Variants in PNPO observed in about 807,000 individuals in gnomAD.
PNPO encodes the protein pyridoxine-5'-phosphate oxidase.
A neutral mutation model predicts 35.0 loss-of-function variants in PNPO; 39 were observed. That is an observed-to-expected ratio of 1.11 (90% confidence interval 0.86 to 1.45). The LOEUF is 1.45. Among genes scored for constraint, PNPO ranks in the 40% most tolerant of loss-of-function variants. PNPO has a pLI of 0.00. For synonymous variants in PNPO, 115 were observed against 119.8 expected, an observed-to-expected ratio of 0.96 and a Z score of 0.26; for missense variants, 288 against 340.0, an observed-to-expected ratio of 0.85 and a Z score of 1.20.
rs1445550737 is a variant in PNPO at position 47,946,362 on chromosome 17, C to G, written c.586C>G (p.Gln196Glu). The G allele has an allele frequency of 1.2e-6, 2 of 1,613,678 alleles. No individual in the cohort carries two copies. The highest frequency in any genetic ancestry group is 3.3e-5 in the Admixed American group (2 of 60,022). ...KKNEELEQLY[Q>E]DQEVPKPKSW... ...AAATGAGGAACTGGAACAGCTCTAC[C>G]AGGATCAAGAGGTGCCCAAGCCAAA... Residue 196 changes from glutamine (Q) to glutamate (E), a missense_variant, in exon 6 of 7, where the codon CAG becomes GAG. Transcript: ENST00000642017.
At chr17:47,943,809 A>G (rs918905104) in intron 2 of PNPO, among the ~76,000 whole-genome samples, 60 of 152,088 alleles carry the variant, frequency 3.9e-4, no homozygotes, top group African/African-American at 1.4e-3. Context: ...TCCTTTGACA[A>G]TCATATGCCC....
chr17:47,943,930 C>G (rs755021446), intron 2 of PNPO, among the ~76,000 whole-genome samples: 1 of 152,208 alleles, frequency 6.6e-6, no homozygotes, highest in East Asian at 1.9e-4. Flanking sequence ...GAGCTCTGAG[C>G]AGAGGGGCTG....
chr17:47,942,722 C>A (rs746847877), intron 1 of PNPO, among the ~76,000 whole-genome samples: 1 of 152,080 alleles, frequency 6.6e-6, no homozygotes, highest in Non-Finnish European at 1.5e-5. Context: ...GTTTAAAATG[C>A]AGTTTTTCCA....
rs796052867 is a variant in PNPO, at chr17:47,941,669, GC to G, written c.-1del. ...CCACAGCCGGGTCACGTGGCCGGCG[GC>G]CCCCCATGACGTGCTGGCTGCGGGG... is the stretch of plus-strand genomic sequence containing the variant. On this transcript the variant is annotated 5_prime_UTR_variant, in exon 1 of 7. Coordinates refer to ENST00000642017, the MANE Select transcript of PNPO (RefSeq NM_018129.4). 1.3e-6 allele frequency: 2 copies of G among 1,525,474 alleles called. No individual in the cohort carries two copies. The highest frequency in any genetic ancestry group is 1.8e-6 in the Non-Finnish European group (2 of 1,129,560). 94.5% of individuals were successfully genotyped at this position (1,525,474 alleles called of 1,614,324 possible).
At position 47,945,112 on chromosome 17, in the gene PNPO, C is replaced by T; in HGVS notation, c.363+397C>T. 2.6e-6 allele frequency: 1 copy of T among 382,726 alleles called. No homozygotes were observed. The highest frequency in any genetic ancestry group is 2.2e-5 in the South Asian group (1 of 45,854). The allele number at this position is 382,726 out of a possible 1,614,324, so 23.7% of individuals were successfully genotyped here. Reference sequence around the variant, plus strand: ...GTAACTGATATTTGTCTCCTCTGCTCAACAGTAAGCTCTGTAGGAGTGGAG... The same window carrying T: ...GTAACTGATATTTGTCTCCTCTGCTTAACAGTAAGCTCTGTAGGAGTGGAG... On this transcript the variant is annotated intron_variant, in intron 3 of 6. Transcript: ENST00000642017. This position sits in a 1 kb window ranked among gnomAD's most constrained non-coding sequence, Gnocchi z 4.0.
intron 3 of PNPO, 108 bp downstream of exon 3, chr17:47,944,823 T>A: frequency 2.3e-6 from 2 of 875,720 alleles, no homozygotes; most frequent in Non-Finnish European, 3.9e-6. Context: ...TTGCTCTCTG[T>A]GTGCAGGTGC....
Position 47,941,670 on chromosome 17 carries a change from C to A in PNPO, c.-6C>A, listed in dbSNP as rs762339867. ...CACAGCCGGGTCACGTGGCCGGCGG[C>A]CCCCCATGACGTGCTGGCTGCGGGG... On this transcript the variant is annotated 5_prime_UTR_variant, in exon 1 of 7. Coordinates refer to ENST00000642017, the MANE Select transcript of PNPO (RefSeq NM_018129.4). 6.6e-6 allele frequency: 10 copies of A among 1,525,104 alleles called. No individual in the cohort carries two copies. The East Asian group carries it at 2.0e-4, about 30-fold the overall frequency. 94.5% of individuals were successfully genotyped at this position (1,525,104 alleles called of 1,614,324 possible). A position where few individuals can be genotyped will look rare whatever the true frequency, so the allele number is the denominator to read the frequency against.
chr17:47,944,060 T>C (rs908927865), intron 2 of PNPO, among the ~76,000 whole-genome samples: 5 of 152,218 alleles, frequency 3.3e-5, no homozygotes, highest in Non-Finnish European at 5.9e-5. Context: ...ACTGGATAGC[T>C]TAAACAACAG....
rs3047638 is a variant in PNPO, at chr17:47,944,200, C to CGTGTGTGTGTGTGT, written c.264-393_264-380dup. On this transcript the variant is annotated intron_variant, in intron 2 of 6. Transcript: ENST00000642017. ...TTTACCATGTCCTCACACTGCCTTT[C>CGTGTGTGTGTGTGT]GTGTGTGTGTGTGTGTGTGTGTGTG... Among the ~76,000 whole-genome samples, 525 of 142,230 alleles carry CGTGTGTGTGTGTGT rather than the reference C, an allele frequency of 3.7e-3. 3 individuals are homozygous for CGTGTGTGTGTGTGT. Among genetic ancestry groups the CGTGTGTGTGTGTGT allele is most frequent in the African/African-American group, 0.013 (493 of 37,832 alleles). The allele number at this position is 142,230 out of a possible 152,430, so 93.3% of individuals were successfully genotyped here.
chr17:47,946,495 C>A, intron 6 of PNPO, 102 bp downstream of exon 6: 1 of 1,405,210 alleles, frequency 7.1e-7, no homozygotes, highest in Non-Finnish European at 1.0e-6. Flanking sequence ...CCCTGGCCAC[C>A]CTTGTCAGAT....
intron 6 of PNPO, 41 bp downstream of exon 6, chr17:47,946,434 C>T: frequency 2.0e-6 from 3 of 1,517,902 alleles, no homozygotes; most frequent in Non-Finnish European, 2.7e-6. Context: ...GGACACCAGG[C>T]CCCTGTGTTT....
chr17:47,942,384 C>T (rs1164366848), intron 1 of PNPO, among the ~76,000 whole-genome samples: 1 of 152,124 alleles, frequency 6.6e-6, no homozygotes, highest in African/African-American at 2.4e-5. Flanking sequence ...CTGGGGCCAC[C>T]CCCTGGGGCA....
rs559404150 is a variant in PNPO at position 47,945,790 on chromosome 17, G to A, written c.418-71G>A. 72 of 1,580,156 alleles carry A rather than the reference G, an allele frequency of 4.6e-5. No homozygotes were observed. The South Asian group carries it at 7.8e-4, about 17-fold the overall frequency. On this transcript the variant is annotated intron_variant, in intron 4 of 6. Transcript: ENST00000642017. This position sits in a 1 kb window ranked among gnomAD's most constrained non-coding sequence, Gnocchi z 4.0. ...GTGGGGCAGCCGATCGAACAGAGAGGAACGGGGCCTGTGCTGGTAGGGAGG... is the reference window on the plus strand; with the variant it reads ...GTGGGGCAGCCGATCGAACAGAGAGAAACGGGGCCTGTGCTGGTAGGGAGG...
Position 47,945,650 on chromosome 17 carries a change from G to A in PNPO, c.417+38G>A. ...TCCCAGGACAGCCTGGGATGGGCTG[G>A]GTTGGCAGGGCCTGAGTTTATGGCT... is the stretch of plus-strand genomic sequence containing the variant. On this transcript the variant is annotated intron_variant, in intron 4 of 6. Coordinates refer to ENST00000642017, the MANE Select transcript of PNPO (RefSeq NM_018129.4). The surrounding 1 kb of genome is among the most constrained non-coding windows in gnomAD (Gnocchi z 4.0). The A allele has an allele frequency of 6.4e-7, 1 of 1,564,652 alleles. No homozygotes were observed. Among genetic ancestry groups the A allele is most frequent in the Admixed American group, 1.7e-5 (1 of 59,966 alleles).
chr17:47,943,903 C>T (rs2035975494), intron 2 of PNPO, among the ~76,000 whole-genome samples: 1 of 152,196 alleles, frequency 6.6e-6, no homozygotes, highest in South Asian at 2.1e-4. Context: ...TTGTACTGTG[C>T]GAGTGGATAT....
In PNPO at chr17:47,941,684, C is replaced by G; in HGVS notation, c.9C>G (p.Cys3Trp). 1 of 1,538,616 alleles carries G rather than the reference C, an allele frequency of 6.5e-7. No individual in the cohort carries two copies. Among genetic ancestry groups the G allele is most frequent in the South Asian group, 1.2e-5 (1 of 83,594 alleles). MT[C>W]WLRGVTATFG... ...GTGGCCGGCGGCCCCCCATGACGTG[C>G]TGGCTGCGGGGCGTCACGGCGACGT... Residue 3 changes from cysteine (C) to tryptophan (W), a missense_variant, in exon 1 of 7, where the codon TGC (cysteine) becomes TGG (tryptophan). Cys to Trp is a radical substitution (Grantham distance 215, BLOSUM62 -2). Transcript: ENST00000642017.
At chr17:47,944,191 A>G (rs1444997619) in intron 2 of PNPO, among the ~76,000 whole-genome samples, 3 of 134,992 alleles carry the variant, frequency 2.2e-5, no homozygotes, top group Non-Finnish European at 4.7e-5. Flanking sequence ...ATGTCCTCAC[A>G]CTGCCTTTCG....
chr17:47,943,235 G>A, intron 1 of PNPO, 71 bp from the exon 2 acceptor site: 2 of 1,279,936 alleles, frequency 1.6e-6, no homozygotes, highest in Non-Finnish European at 2.2e-6. Context: ...TTTGAAAAGT[G>A]ACTAGAACAG....
chr17:47,942,359 A>G lies in PNPO; in HGVS notation c.138+546A>G, dbSNP rs141514279. Among the ~76,000 whole-genome samples the G allele has an allele frequency of 4.0e-3, 598 of 151,140 alleles. 1 individual carries two copies. Among genetic ancestry groups the G allele is most frequent in the African/African-American group, 0.014 (557 of 41,136 alleles). ...TGGGGGGAGGGGAGTAGGAGGAAAC[A>G]GCCCCTCAGGGCTTCTGGGGCCACC... On this transcript the variant is annotated intron_variant, in intron 1 of 6. Transcript: ENST00000642017.
Sources: allele counts gnomAD v4.1 joint callset (sites outside exome capture counted in the v4.1 genomes callset), GRCh38; gene constraint gnomAD v4.1.1; non-coding constraint Gnocchi (gnomAD v3.1); transcripts MANE v1.5; gene names NCBI Gene and HGNC (gene_info 2026-07-23, HGNC 2026-07-21).